Variants in C2CD2L observed in about 807,000 individuals in gnomAD.
The protein encoded by C2CD2L is C2CD2 like, also known as phospholipid transfer protein C2CD2L.
A neutral mutation model predicts 69.9 loss-of-function variants in C2CD2L; 24 were observed. The ratio of observed to expected loss-of-function variants is 0.34; its 90% confidence interval spans 0.25 to 0.48. The LOEUF is 0.48. Among genes scored for constraint, C2CD2L ranks in the 20% least tolerant of loss-of-function variants. The pLI is 0.99. For synonymous variants in C2CD2L, 367 were observed against 391.0 expected (o/e 0.94, Z 0.72); for missense variants, 811 against 941.5 (o/e 0.86, Z 1.81).
rs571882931 is a variant in C2CD2L at position 119,113,636 on chromosome 11, G to A, written c.1413G>A (p.Lys471=). The change falls in exon 11 of 14, where the codon AAG becomes AAA. Residue 471 remains lysine (K), a synonymous_variant. Transcript: ENST00000648610. The part of the protein sequence containing the change: ...KLDSPSRSPS[K]VEVTEKTTTV... ...ACTCCCCCTCCCGCTCCCCGTCCAA[G>A]GTGGAGGTGACCGAGAAGACGACAA... 3 of 1,612,230 alleles carry A rather than the reference G, an allele frequency of 1.9e-6. No individual in the cohort carries two copies. The South Asian group carries it at 3.3e-5, about 18-fold the overall frequency.
At chr11:119,113,834 C>A in intron 11 of C2CD2L, 21 bp from the exon 12 acceptor site, 1 of 1,613,000 alleles carries the variant, frequency 6.2e-7, no homozygotes, top group Non-Finnish European at 8.5e-7. Flanking sequence ...TCAGGTTATT[C>A]ATTCTCTGCA....
Position 119,113,621 on chromosome 11 carries a change from C to G in C2CD2L, c.1398C>G (p.Ser466=). ...TCCCCCACCCACCAGACTCCCCCTC[C>G]CGCTCCCCGTCCAAGGTGGAGGTGA... ...PRIDGKLDSP[S]RSPSKVEVTE... The change falls in exon 11 of 14, where the codon TCC becomes TCG. Residue 466 remains serine (S), a synonymous_variant. Transcript: ENST00000648610. 4.3e-6 allele frequency: 7 copies of G among 1,613,278 alleles called. No individual in the cohort carries two copies. Among genetic ancestry groups the G allele is most frequent in the Non-Finnish European group, 5.9e-6 (7 of 1,179,520 alleles).
At position 119,117,817 on chromosome 11, in the gene C2CD2L, C is replaced by A. The variant is rs761831885; in HGVS notation, c.*1561C>A. ...CCAGGAAGCAAGAAAACTGAGTCTG[C>A]CACAGACAAACCAAGTGATCTTGAG... On this transcript the variant is annotated 3_prime_UTR_variant, in exon 14 of 14. Coordinates refer to ENST00000648610, the MANE Select transcript of C2CD2L (RefSeq NM_001290474.2). The A allele has an allele frequency of 4.6e-5, 7 of 152,120 alleles. No homozygotes were observed. Among genetic ancestry groups the A allele is most frequent in the Non-Finnish European group, 8.8e-5 (6 of 68,012 alleles). 9.4% of individuals were successfully genotyped at this position (152,120 alleles called of 1,614,324 possible).
intron 13 of C2CD2L, chr11:119,115,771 T>C (rs1592245434): frequency 3.6e-6 from 2 of 550,524 alleles, no homozygotes; most frequent in East Asian, 5.7e-5. Context: ...CGGGCAGAGT[T>C]AAGATTGTAC....
chr11:119,107,692 G>C lies in C2CD2L; in HGVS notation c.-50G>C, dbSNP rs771914481. On this transcript the variant is annotated 5_prime_UTR_variant, in exon 1 of 14. Transcript: ENST00000648610. The surrounding 1 kb of genome is among the most constrained non-coding windows in gnomAD (Gnocchi z 5.4). ...GGCCCGCCCGGGCCATGCTCCCCCG[G>C]GGCAGCGGGTGAGCCCCAGCCGGGA... 2.4e-6 allele frequency: 3 copies of C among 1,238,976 alleles called. No homozygotes were observed. The highest frequency in any genetic ancestry group is 3.2e-5 in the African/African-American group (2 of 62,536). 76.7% of individuals were successfully genotyped at this position (1,238,976 alleles called of 1,614,324 possible). A position where few individuals can be genotyped will look rare whatever the true frequency, so the allele number is the denominator to read the frequency against.
rs1392759330 is a variant in C2CD2L, at chr11:119,109,159, CA to C, written c.355-944del. ...TGGGGAGATTGAGGTTTCAAGCATC[CA>C]TCTCCCCATCTTCCTTGGCCTAGCC... On this transcript the variant is annotated intron_variant, in intron 1 of 13. Coordinates refer to ENST00000648610, the MANE Select transcript of C2CD2L (RefSeq NM_001290474.2). This position sits in a 1 kb window ranked among gnomAD's most constrained non-coding sequence, Gnocchi z 5.1. Among the ~76,000 whole-genome samples, 2 of 152,192 alleles carry C rather than the reference CA, an allele frequency of 1.3e-5. No homozygotes were observed. Among genetic ancestry groups the C allele is most frequent in the Admixed American group, 6.5e-5 (1 of 15,280 alleles).
chr11:119,110,904 A>G lies in C2CD2L; in HGVS notation c.628A>G (p.Thr210Ala). 6.2e-7 allele frequency: 1 copy of G among 1,614,156 alleles called. No homozygotes were observed. The highest frequency in any genetic ancestry group is 8.5e-7 in the Non-Finnish European group (1 of 1,180,008). Reference protein sequence around the residue: ...GEGLLISWAFTDRPDLSLTVL... With the variant: ...GEGLLISWAFADRPDLSLTVL... Reference sequence around the variant, plus strand: ...GGGGCTGCTCATATCCTGGGCCTTCACTGATCGCCCAGATCTCAGCCTAAC... The same window carrying G: ...GGGGCTGCTCATATCCTGGGCCTTCGCTGATCGCCCAGATCTCAGCCTAAC... The change falls in exon 4 of 14, where the codon ACT becomes GCT. Residue 210 changes from threonine to alanine, a missense_variant. Thr to Ala is a moderately conservative substitution (Grantham distance 58, BLOSUM62 0). Coordinates refer to ENST00000648610, the MANE Select transcript of C2CD2L (RefSeq NM_001290474.2). This position sits in a 1 kb window ranked among gnomAD's most constrained non-coding sequence, Gnocchi z 5.7.
chr11:119,111,622 C>G lies in C2CD2L; in HGVS notation c.1012C>G (p.Leu338Val), dbSNP rs1946745762. 4 of 1,611,628 alleles carry G rather than the reference C, an allele frequency of 2.5e-6. No homozygotes were observed. The African/African-American group carries it at 4.0e-5, about 16-fold the overall frequency. ...ATCCGAGGTGGAGTGGACAGAAGAC[C>G]TGGCACTGTAAGGAGTAACCCTGCC... The part of the protein sequence containing the change: ...AGSEVEWTED[L>V]ALDLGPQSRE... The change falls in exon 7 of 14, where the codon CTG (leucine) becomes GTG (valine). Residue 338 changes from leucine to valine, a missense_variant. Physicochemically the swap from Leu to Val is conservative, Grantham distance 32 (BLOSUM62 1). Transcript: ENST00000648610.
intron 5 of C2CD2L, 42 bp from the exon 6 acceptor site, chr11:119,111,221 T>A (rs1256105364): frequency 6.2e-7 from 1 of 1,608,644 alleles, no homozygotes; most frequent in African/African-American, 1.3e-5. Context: ...CCTAGGGTGC[T>A]ATGTCAGGAT....
At position 119,107,431 on chromosome 11, in the gene C2CD2L, T is replaced by C; in HGVS notation, c.-311T>C. ...CCAGCGTCTCTGCAGACCAGTCCCC[T>C]CCAGGGTCCGGCGGGGCCCGCGCGG... is the stretch of plus-strand genomic sequence containing the variant. On this transcript the variant is annotated 5_prime_UTR_variant, in exon 1 of 14. Coordinates refer to ENST00000648610, the MANE Select transcript of C2CD2L (RefSeq NM_001290474.2). This position sits in a 1 kb window ranked among gnomAD's most constrained non-coding sequence, Gnocchi z 5.4. 3.9e-6 allele frequency: 1 copy of C among 258,334 alleles called. No individual in the cohort carries two copies. The highest frequency in any genetic ancestry group is 7.3e-6 in the Non-Finnish European group (1 of 137,344). 16.0% of individuals were successfully genotyped at this position (258,334 alleles called of 1,614,324 possible).
Position 119,116,476 on chromosome 11 carries a change from T to G in C2CD2L, c.*220T>G. On this transcript the variant is annotated 3_prime_UTR_variant, in exon 14 of 14. Transcript: ENST00000648610. ...AGGACATGGACGAGGGACTGGTGGCTGGGAGGGAGAGGAGGGCCCTGTCCG... is the reference window on the plus strand; with the variant it reads ...AGGACATGGACGAGGGACTGGTGGCGGGGAGGGAGAGGAGGGCCCTGTCCG... The G allele has an allele frequency of 1.7e-6, 1 of 594,702 alleles. No homozygotes were observed. The highest frequency in any genetic ancestry group is 3.0e-6 in the Non-Finnish European group (1 of 333,620). 36.8% of individuals were successfully genotyped at this position (594,702 alleles called of 1,614,324 possible). A position where few individuals can be genotyped will look rare whatever the true frequency, so the allele number is the denominator to read the frequency against.
rs747713804 is a variant in C2CD2L, at chr11:119,114,313, G to A, written c.1857G>A (p.Ser619=). 6.2e-6 allele frequency: 10 copies of A among 1,614,030 alleles called. No individual in the cohort carries two copies. The South Asian group carries it at 6.6e-5, about 11-fold the overall frequency. The change falls in exon 13 of 14, where the codon TCG becomes TCA. Residue 619 remains serine (S), a synonymous_variant. Coordinates refer to ENST00000648610, the MANE Select transcript of C2CD2L (RefSeq NM_001290474.2). This position sits in a 1 kb window ranked among gnomAD's most constrained non-coding sequence, Gnocchi z 5.1. ...SERPSVDDIE[S]ETGSTGALET... ...GGCCATCTGTGGATGATATTGAGTC[G>A]GAAACGGGGTCCACTGGTGCCCTGG...
chr11:119,102,860 CTTTTTTTT>C (rs141575057), upstream of C2CD2L, among the ~76,000 whole-genome samples: 70 of 43,452 alleles, frequency 1.6e-3, no homozygotes, highest in African/African-American at 5.5e-3. Context: ...AATTCACCAG[CTTTTTTTT>C]TTTTTTTTTT....
intron 1 of C2CD2L, 196 bp downstream of exon 1, chr11:119,108,291 C>T (rs1483422074): frequency 1.9e-6 from 1 of 518,482 alleles, no homozygotes; most frequent in African/African-American, 2.0e-5. Context: ...CCCAGACTTC[C>T]ATTTCTGTGG....
At chr11:119,104,387 C>T (rs545839287), upstream of C2CD2L, among the ~76,000 whole-genome samples, 1 of 152,264 alleles carries the variant, frequency 6.6e-6, no homozygotes, top group Admixed American at 6.5e-5. Context: ...TACCACCACC[C>T]TCCTGGGGAG....
At chr11:119,102,273 G>A (rs1565767415), upstream of C2CD2L, 1 of 477,444 alleles carries the variant, frequency 2.1e-6, no homozygotes, top group Non-Finnish European at 4.3e-6. Flanking sequence ...CCGGCTCCAG[G>A]AAGATGGCTA....
Position 119,111,561 on chromosome 11 carries a change from C to T in C2CD2L, c.951C>T (p.Pro317=), listed in dbSNP as rs1258406468. 6.2e-7 allele frequency: 1 copy of T among 1,614,078 alleles called. No homozygotes were observed. The highest frequency in any genetic ancestry group is 1.3e-5 in the African/African-American group (1 of 74,940). Residue 317 remains proline, a synonymous_variant, in exon 7 of 14, where the codon CCC becomes CCT. Coordinates refer to ENST00000648610, the MANE Select transcript of C2CD2L (RefSeq NM_001290474.2). ...ELCCVAELDN[P]MQQKWTKPAR... ...GCTGTGTAGCTGAACTCGACAACCCCATGCAGCAGAAGTGGACCAAGCCCG... is the reference window on the plus strand; with the variant it reads ...GCTGTGTAGCTGAACTCGACAACCCTATGCAGCAGAAGTGGACCAAGCCCG...
chr11:119,108,001 G>A lies in C2CD2L; in HGVS notation c.260G>A (p.Gly87Asp), dbSNP rs773308181. The A allele has an allele frequency of 6.3e-7, 1 of 1,584,836 alleles. No homozygotes were observed. Among genetic ancestry groups the A allele is most frequent in the Non-Finnish European group, 8.6e-7 (1 of 1,169,024 alleles). Residue 87 changes from glycine (G) to aspartate (D), a missense_variant, in exon 1 of 14, where the codon GGC becomes GAC. Gly to Asp is a moderately conservative substitution (Grantham distance 94, BLOSUM62 -1). Transcript: ENST00000648610. Reference protein sequence around the residue: ...AGAAEEPGVRGLLASLFAFKS... With the variant: ...AGAAEEPGVRDLLASLFAFKS... The stretch of plus-strand genomic sequence containing the variant: ...GCCGCCGAGGAGCCAGGAGTCCGGG[G>A]CCTCCTGGCGTCACTCTTCGCCTTC...
At chr11:119,108,716 C>T (rs1946658666) in intron 1 of C2CD2L, among the ~76,000 whole-genome samples, 1 of 152,176 alleles carries the variant, frequency 6.6e-6, no homozygotes, top group Admixed American at 6.5e-5. Context: ...CCTACTTCCT[C>T]CCATTGCACC....
Sources: gnomAD v4.1 joint callset for allele counts (sites outside exome capture counted in the v4.1 genomes callset) on GRCh38, gnomAD v4.1.1 for gene constraint, Gnocchi (gnomAD v3.1) non-coding constraint, MANE v1.5 for transcripts, NCBI Gene and HGNC (gene_info 2026-07-23, HGNC 2026-07-21) for gene names.